SPEF2: variants seen among roughly 807,000 people sequenced by gnomAD.
SPEF2 encodes sperm flagellar and cilia associated 2, also known as sperm flagella and cilia-associated protein 2.
A neutral mutation model predicts 224.6 loss-of-function variants in SPEF2; 187 were observed. The ratio of observed to expected loss-of-function variants is 0.83; its 90% CI spans 0.74 to 0.94. The LOEUF (loss-of-function observed/expected upper bound fraction) is 0.94, where lower values mean the gene tolerates loss of function less well. Ranked by LOEUF, SPEF2 falls within the 40% of genes least tolerant of loss-of-function variation. SPEF2 has a pLI of 0.00. For missense variants in SPEF2, 2,170 were observed against 2,135.6 expected (o/e 1.02, Z -0.32); for synonymous variants, 715 against 707.3 (o/e 1.01, Z -0.17).
At chr5:35,658,996 A>AT in intron 7 of SPEF2, 23 bp from the exon 8 acceptor site, 1 of 1,496,218 alleles carries the variant, frequency 6.7e-7, no homozygotes, top group Non-Finnish European at 9.0e-7. Flanking sequence ...CACTTTAACA[A>AT]ATAATTCCCC....
chr5:35,644,811 G>T (rs1747125018), intron 4 of SPEF2, among the ~76,000 whole-genome samples: 1 of 152,138 alleles, frequency 6.6e-6, no homozygotes, highest in Non-Finnish European at 1.5e-5. Context: ...CAATGTTTCA[G>T]CTGCTTTAGT....
At chr5:35,751,166 C>A (rs1749588167) in intron 23 of SPEF2, among the ~76,000 whole-genome samples, 1 of 137,240 alleles carries the variant, frequency 7.3e-6, no homozygotes. Context: ...ACAGTATTTG[C>A]AGTGACCTGG....
In SPEF2 at chr5:35,632,444, A is replaced by G. The variant is rs1426730058; in HGVS notation, c.161+3882A>G. 2.0e-5 allele frequency among the ~76,000 whole-genome samples: 3 copies of G among 152,168 alleles called. No individual in the cohort carries two copies. The East Asian group carries it at 5.8e-4, about 29-fold the overall frequency. On this transcript the variant is annotated intron_variant, in intron 2 of 36. Coordinates refer to ENST00000356031, the MANE Select transcript of SPEF2 (RefSeq NM_024867.4). ...ACTATCACAAGACCAACATGGGGGA[A>G]GCTGTCTCCATGATCCAATCACCTC... is the stretch of plus-strand genomic sequence containing the variant.
chr5:35,640,566 C>A (rs977520), intron 2 of SPEF2, among the ~76,000 whole-genome samples: 1 of 152,142 alleles, frequency 6.6e-6, no homozygotes, highest in Non-Finnish European at 1.5e-5. Context: ...AAAACTGGAC[C>A]TGAGAAGACC....
At chr5:35,773,870 A>C (rs189767145) in intron 27 of SPEF2, 23 bp from the exon 28 acceptor site, 24 of 1,605,316 alleles carry the variant, frequency 1.5e-5, no homozygotes, top group Non-Finnish European at 2.0e-5. Context: ...TAGTTTACTC[A>C]GCATGTTTCA....
In SPEF2 at chr5:35,669,118, G is replaced by A. The variant is rs1388567688; in HGVS notation, c.1356-941G>A. Reference sequence around the variant, plus strand: ...ACTGATAATCTCTATCCTACTTGATGTCTCTGAATTTGTCTCTTCTAGGTA... The same window carrying A: ...ACTGATAATCTCTATCCTACTTGATATCTCTGAATTTGTCTCTTCTAGGTA... On this transcript the variant is annotated intron_variant, in intron 9 of 36. Coordinates refer to ENST00000356031, the MANE Select transcript of SPEF2 (RefSeq NM_024867.4). Among the ~76,000 whole-genome samples the A allele has an allele frequency of 2.0e-5, 3 of 152,010 alleles. No homozygotes were observed. In the East Asian group the frequency reaches 5.8e-4, roughly 29 times the overall value.
chr5:35,729,513 G>T (rs79470273), intron 21 of SPEF2, among the ~76,000 whole-genome samples: 4,960 of 152,224 alleles, frequency 0.033, 111 homozygotes, highest in Non-Finnish European at 0.051. Context: ...GAAGGAAACT[G>T]GTGTGAAGGG....
chr5:35,803,210 G>A (rs567533552), intron 34 of SPEF2, among the ~76,000 whole-genome samples: 2 of 152,180 alleles, frequency 1.3e-5, no homozygotes, highest in African/African-American at 2.4e-5. Context: ...AGGCAACAGC[G>A]GAGTCCAGGA....
chr5:35,654,049 T>C (rs1209611428), intron 6 of SPEF2, among the ~76,000 whole-genome samples: 1 of 148,744 alleles, frequency 6.7e-6, no homozygotes, highest in Non-Finnish European at 1.5e-5. Context: ...TCACCTGAGG[T>C]CAGGAGTTCG....
At chr5:35,764,376 T>C (rs1472019747) in intron 26 of SPEF2, among the ~76,000 whole-genome samples, 2 of 151,940 alleles carry the variant, frequency 1.3e-5, no homozygotes, top group Non-Finnish European at 2.9e-5. Context: ...CAAATGAAAT[T>C]TGAACCTAGG....
intron 21 of SPEF2, among the ~76,000 whole-genome samples, chr5:35,737,320 C>T (rs1746784820): frequency 6.6e-6 from 1 of 151,374 alleles, no homozygotes; most frequent in Non-Finnish European, 1.5e-5. Context: ...CCCATTAACT[C>T]ATCATTTACA....
intron 2 of SPEF2, among the ~76,000 whole-genome samples, chr5:35,628,765 T>C (rs1744642678): frequency 6.6e-6 from 1 of 152,070 alleles, no homozygotes; most frequent in African/African-American, 2.4e-5. Context: ...CTAATTTTTG[T>C]ATTTTTGGTG....
chr5:35,702,585 A>G lies in SPEF2; in HGVS notation c.2398+1833A>G, dbSNP rs186695093. Reference sequence around the variant, plus strand: ...CAGGAAGGGGCTTCTGGGACCGATAATGTTTGTATATCTGGGTGCTGACTG... The same window carrying G: ...CAGGAAGGGGCTTCTGGGACCGATAGTGTTTGTATATCTGGGTGCTGACTG... On this transcript the variant is annotated intron_variant, in intron 16 of 36. Coordinates refer to ENST00000356031, the MANE Select transcript of SPEF2 (RefSeq NM_024867.4). 1.1e-4 allele frequency among the ~76,000 whole-genome samples: 16 copies of G among 152,254 alleles called. No homozygotes were observed. The East Asian group carries it at 3.1e-3, about 29-fold the overall frequency.
intron 21 of SPEF2, among the ~76,000 whole-genome samples, chr5:35,729,064 G>T (rs1745168096): frequency 6.6e-6 from 1 of 152,064 alleles, no homozygotes; most frequent in South Asian, 2.1e-4. Context: ...GGACAAGAGA[G>T]AAATAAAAAA....
chr5:35,782,846 T>G (rs1051898227), intron 30 of SPEF2, among the ~76,000 whole-genome samples: 7 of 152,212 alleles, frequency 4.6e-5, no homozygotes, highest in Non-Finnish European at 7.3e-5. Context: ...CTGCCACTTA[T>G]GATGATTCTA....
chr5:35,681,015 G>A (rs1358386382), intron 10 of SPEF2, among the ~76,000 whole-genome samples: 2 of 152,120 alleles, frequency 1.3e-5, no homozygotes, highest in Non-Finnish European at 2.9e-5. Flanking sequence ...CTTGTCCCTG[G>A]TTAAGACATC....
intron 26 of SPEF2, among the ~76,000 whole-genome samples, chr5:35,764,357 GTAAATAT>G (rs2149762102): frequency 6.6e-6 from 1 of 152,042 alleles, no homozygotes; most frequent in African/African-American, 2.4e-5. Context: ...CTCCTAGCAG[GTAAATAT>G]CCAAATGAAA....
chr5:35,699,090 T>A (rs1755752679), intron 15 of SPEF2: 1 of 152,180 alleles, frequency 6.6e-6, no homozygotes, highest in African/African-American at 2.4e-5. Context: ...GGAAAGATCA[T>A]TGGATTTGGG....
chr5:35,645,207 T>C (rs1747192001), intron 4 of SPEF2, among the ~76,000 whole-genome samples: 1 of 152,362 alleles, frequency 6.6e-6, no homozygotes, highest in African/African-American at 2.4e-5. Flanking sequence ...AAAAGAATTA[T>C]GTAGTTCTTC....
Sources: allele counts gnomAD v4.1 joint callset (sites outside exome capture counted in the v4.1 genomes callset), GRCh38; gene constraint gnomAD v4.1.1; transcripts MANE v1.5; gene names NCBI Gene and HGNC (gene_info 2026-07-23, HGNC 2026-07-21).